KCNK5: variants seen among roughly 807,000 people sequenced by gnomAD.
The protein encoded by KCNK5 is potassium two pore domain channel subfamily K member 5, also known as potassium channel subfamily K member 5.
In KCNK5, 18 loss-of-function variants were observed where a neutral mutation model predicts 32.9. That is an observed-to-expected ratio of 0.55 (90% confidence interval 0.38 to 0.81). The LOEUF (loss-of-function observed/expected upper bound fraction) is 0.81. KCNK5 is among the 30% of genes least tolerant of loss of function. The probability of loss-of-function intolerance (pLI) is 0.00; values close to 1 mark genes in which losing one functional copy is unlikely to be tolerated. For synonymous variants in KCNK5, 276 were observed against 275.3 expected, an observed-to-expected ratio of 1.00 and a Z score of -0.03; for missense variants, 507 against 651.0, an observed-to-expected ratio of 0.78 and a Z score of 2.41.
chr6:39,203,810 G>C (rs915492296), intron 1 of KCNK5, among the ~76,000 whole-genome samples: 1 of 152,228 alleles, frequency 6.6e-6, no homozygotes, highest in African/African-American at 2.4e-5. Flanking sequence ...AATATGCAGG[G>C]GCTGCCCTAG....
chr6:39,208,159 C>T (rs760406931), intron 1 of KCNK5, among the ~76,000 whole-genome samples: 6 of 152,096 alleles, frequency 3.9e-5, no homozygotes, highest in Non-Finnish European at 7.3e-5. Flanking sequence ...ATTATTAAGC[C>T]TACCCATTTA....
chr6:39,220,559 G>T (rs549180205), intron 1 of KCNK5, among the ~76,000 whole-genome samples: 13 of 152,312 alleles, frequency 8.5e-5, no homozygotes, highest in African/African-American at 3.1e-4. Flanking sequence ...GCAGAGCCCT[G>T]CTAGAAGAGA....
chr6:39,196,075 T>G, intron 1 of KCNK5, 88 bp from the exon 2 acceptor site: 1 of 798,318 alleles, frequency 1.3e-6, no homozygotes, highest in Non-Finnish European at 2.0e-6. Flanking sequence ...TTGTAAGCAT[T>G]TTCATTTAGT....
At chr6:39,211,895 C>CG (rs1308813103) in intron 1 of KCNK5, among the ~76,000 whole-genome samples, 1 of 152,042 alleles carries the variant, frequency 6.6e-6, no homozygotes, top group East Asian at 1.9e-4. Context: ...ACCCAGGAGA[C>CG]GGAGGTTGCA....
intron 1 of KCNK5, among the ~76,000 whole-genome samples, chr6:39,225,255 C>T (rs979354876): frequency 2.0e-5 from 3 of 152,162 alleles, no homozygotes; most frequent in Non-Finnish European, 4.4e-5. Context: ...TTAATAAATG[C>T]TTGCTAATTT....
At chr6:39,215,383 C>T (rs940319095) in intron 1 of KCNK5, among the ~76,000 whole-genome samples, 1 of 152,136 alleles carries the variant, frequency 6.6e-6, no homozygotes, top group Non-Finnish European at 1.5e-5. Context: ...CTAACACTGT[C>T]AGGATGCATT....
chr6:39,205,323 G>T (rs1363808136), intron 1 of KCNK5, among the ~76,000 whole-genome samples: 1 of 152,172 alleles, frequency 6.6e-6, no homozygotes, highest in Non-Finnish European at 1.5e-5. Flanking sequence ...GAGCAGGAAA[G>T]AGCCCCCTCC....
Position 39,226,367 on chromosome 6 carries a change from C to A in KCNK5, c.186+2559G>T, listed in dbSNP as rs141127236. On this transcript the variant is annotated intron_variant, in intron 1 of 4. Coordinates refer to ENST00000359534, the MANE Select transcript of KCNK5 (RefSeq NM_003740.4). Reference sequence around the variant, plus strand: ...AAGTCAGCCTGCACCTCACTTCAACCACAGCGGAGGGAAGGAAGTATCTGA... The same window carrying A: ...AAGTCAGCCTGCACCTCACTTCAACAACAGCGGAGGGAAGGAAGTATCTGA... Among the ~76,000 whole-genome samples the A allele has an allele frequency of 1.9e-3, 289 of 152,310 alleles. 2 individuals are homozygous for A. The highest frequency in any genetic ancestry group is 6.6e-3 in the African/African-American group (274 of 41,570).
chr6:39,213,703 A>G (rs1771379665), intron 1 of KCNK5, among the ~76,000 whole-genome samples: 1 of 152,182 alleles, frequency 6.6e-6, no homozygotes, highest in Admixed American at 6.5e-5. Context: ...TAAGATGTGT[A>G]CACAGGCTGG....
intron 1 of KCNK5, among the ~76,000 whole-genome samples, chr6:39,214,659 G>A (rs1351087535): frequency 1.3e-5 from 2 of 152,174 alleles, no homozygotes; most frequent in Non-Finnish European, 2.9e-5. Flanking sequence ...GGCTTGTAGG[G>A]AGGGAGGGCA....
chr6:39,215,320 C>G (rs1425598933), intron 1 of KCNK5, among the ~76,000 whole-genome samples: 1 of 152,206 alleles, frequency 6.6e-6, no homozygotes, highest in African/African-American at 2.4e-5. Flanking sequence ...CCCTTCCACT[C>G]GCTGCTCTGA....
Position 39,194,412 on chromosome 6 carries a change from G to A in KCNK5, c.466-75C>T. ...CCAGCAAAGGCACCCAGAGGGCCAG[G>A]GAGGCAGCTAGAGGAGAAGCTAGCT... On this transcript the variant is annotated intron_variant, in intron 3 of 4. Coordinates refer to ENST00000359534, the MANE Select transcript of KCNK5 (RefSeq NM_003740.4). This position sits in a 1 kb window ranked among gnomAD's most constrained non-coding sequence, Gnocchi z 4.7. 2 of 1,521,070 alleles carry A rather than the reference G, an allele frequency of 1.3e-6. No individual in the cohort carries two copies. Among genetic ancestry groups the A allele is most frequent in the Non-Finnish European group, 1.8e-6 (2 of 1,125,150 alleles). 94.2% of individuals were successfully genotyped at this position (1,521,070 alleles called of 1,614,324 possible). A position where few individuals can be genotyped will look rare whatever the true frequency, so the allele number is the denominator to read the frequency against.
chr6:39,191,534 T>C lies in KCNK5; in HGVS notation c.856A>G (p.Lys286Glu). 2 of 1,614,030 alleles carry C rather than the reference T, an allele frequency of 1.2e-6. No homozygotes were observed. Among genetic ancestry groups the C allele is most frequent in the Non-Finnish European group, 1.7e-6 (2 of 1,180,018 alleles). The change falls in exon 5 of 5, where the codon AAG becomes GAG. Residue 286 changes from lysine (K) to glutamate (E), a missense_variant. Around this residue, in one of 6 missense-constraint regions of KCNK5, gnomAD observed 42 missense variants for 35.3 expected, o/e 1.19. Transcript: ENST00000359534. This position sits in a 1 kb window ranked among gnomAD's most constrained non-coding sequence, Gnocchi z 5.8. ...AGAAAGCTGAAGATGTTGACGTCCTTGGAGGCTGTGCTCCCCTTCACCTGC... is the reference window on the plus strand; with the variant it reads ...AGAAAGCTGAAGATGTTGACGTCCTCGGAGGCTGTGCTCCCCTTCACCTGC... ...ALQVKGSTAS[K>E]DVNIFSFLSK...
intron 1 of KCNK5, among the ~76,000 whole-genome samples, chr6:39,214,893 C>T (rs1171285914): frequency 6.6e-6 from 1 of 152,192 alleles, no homozygotes. Flanking sequence ...CATGGTGATA[C>T]CTTCCCACCA....
chr6:39,229,354 G>A lies in KCNK5; in HGVS notation c.-243C>T. ...CCCGGGGTGGGCGAACACCAGCGGG[G>A]CTGAAAGGGCGCCCTGGACCGCGGA... On this transcript the variant is annotated 5_prime_UTR_variant, in exon 1 of 5. Coordinates refer to ENST00000359534, the MANE Select transcript of KCNK5 (RefSeq NM_003740.4). 3.6e-6 allele frequency: 2 copies of A among 561,652 alleles called. No individual in the cohort carries two copies. 34.8% of individuals were successfully genotyped at this position (561,652 alleles called of 1,614,324 possible).
chr6:39,215,309 G>A (rs1229605514), intron 1 of KCNK5, among the ~76,000 whole-genome samples: 1 of 152,212 alleles, frequency 6.6e-6, no homozygotes, highest in Non-Finnish European at 1.5e-5. Flanking sequence ...GCGAGAGGCA[G>A]CCCTTCCACT....
chr6:39,221,632 G>C (rs1771553655), intron 1 of KCNK5, among the ~76,000 whole-genome samples: 1 of 152,114 alleles, frequency 6.6e-6, no homozygotes, highest in African/African-American at 2.4e-5. Context: ...CTCTCGCCCT[G>C]GTGCACACCT....
intron 1 of KCNK5, among the ~76,000 whole-genome samples, chr6:39,211,580 T>C (rs1037462517): frequency 1.2e-4 from 19 of 152,180 alleles, no homozygotes; most frequent in Admixed American, 1.3e-4. Flanking sequence ...AAATGCTCTG[T>C]ATTTGCGCAG....
intron 1 of KCNK5, 119 bp from the exon 2 acceptor site, chr6:39,196,106 A>G: frequency 1.6e-6 from 1 of 624,672 alleles, no homozygotes. Context: ...AGAAGGTGGC[A>G]GTGTCTCCAT....
Sources: allele counts gnomAD v4.1 joint callset (sites outside exome capture counted in the v4.1 genomes callset), GRCh38; gene constraint gnomAD v4.1.1; regional missense constraint gnomAD v4.1.1; non-coding constraint Gnocchi (gnomAD v3.1); transcripts MANE v1.5; gene names NCBI Gene and HGNC (gene_info 2026-07-23, HGNC 2026-07-21).